Variants in PLXDC2 observed in about 807,000 individuals in gnomAD.
PLXDC2 encodes plexin domain containing 2.
A neutral mutation model predicts 68.9 loss-of-function variants in PLXDC2; 40 were observed. The observed-to-expected ratio is 0.58, with a 90% CI of 0.45 to 0.76. The LOEUF (loss-of-function observed/expected upper bound fraction) is 0.76. Among genes scored for constraint, PLXDC2 ranks in the 30% least tolerant of loss-of-function variants. The probability of loss-of-function intolerance (pLI) is 0.00; values close to 1 mark genes in which losing one functional copy is unlikely to be tolerated. For missense variants in PLXDC2, 644 were observed against 661.9 expected (o/e 0.97, Z 0.30); for synonymous variants, 243 against 234.2 (o/e 1.04, Z -0.34).
At chr10:19,928,799 G>A (rs1589541155) in intron 1 of PLXDC2, among the ~76,000 whole-genome samples, 1 of 143,442 alleles carries the variant, frequency 7.0e-6, no homozygotes, top group Non-Finnish European at 1.5e-5. Context: ...CTGTTGCTCA[G>A]GCTGGAGTAC....
chr10:20,044,420 C>T (rs746550622), intron 2 of PLXDC2, among the ~76,000 whole-genome samples: 7 of 151,612 alleles, frequency 4.6e-5, no homozygotes, highest in Non-Finnish European at 1.0e-4. Flanking sequence ...AAGCAGTTCT[C>T]CTGCCTCAGC....
chr10:20,278,205 A>G (rs2681946), intron 13 of PLXDC2, among the ~76,000 whole-genome samples: 135,779 of 152,178 alleles, frequency 0.89, 61,224 homozygotes, highest in African/African-American at 0.97. Context: ...GCTACCAACT[A>G]GCCTTGGAAA....
At chr10:20,193,200 T>C (rs1169563854) in intron 9 of PLXDC2, among the ~76,000 whole-genome samples, 1 of 152,074 alleles carries the variant, frequency 6.6e-6, no homozygotes, top group Non-Finnish European at 1.5e-5. Context: ...GGAATTCTTG[T>C]GACACAGACC....
At position 20,089,458 on chromosome 10, in the gene PLXDC2, A is replaced by G. The variant is rs554486283; in HGVS notation, c.541+21219A>G. ...TTGAGTAGTTCAGTGACTTGTCCCT[A>G]AGATTCATGGTGAGAGTTACTAAGA... On this transcript the variant is annotated intron_variant, in intron 4 of 13. Coordinates refer to ENST00000377252, the MANE Select transcript of PLXDC2 (RefSeq NM_032812.9). 1.1e-4 allele frequency among the ~76,000 whole-genome samples: 17 copies of G among 152,258 alleles called. No individual in the cohort carries two copies. The East Asian group carries it at 2.5e-3, about 23-fold the overall frequency.
At chr10:19,862,630 C>G (rs184134489) in intron 1 of PLXDC2, among the ~76,000 whole-genome samples, 72 of 152,244 alleles carry the variant, frequency 4.7e-4, no homozygotes, top group African/African-American at 1.6e-3. Flanking sequence ...TTATGTATAG[C>G]TAGTAAAGAC....
At chr10:20,213,407 G>A (rs749058699) in intron 10 of PLXDC2, among the ~76,000 whole-genome samples, 35 of 151,924 alleles carry the variant, frequency 2.3e-4, no homozygotes, top group Non-Finnish European at 4.4e-4. Context: ...TTAGATCAGT[G>A]TCCCACTGTA....
At chr10:20,231,254 T>A (rs998521908) in intron 12 of PLXDC2, among the ~76,000 whole-genome samples, 1 of 149,858 alleles carries the variant, frequency 6.7e-6, no homozygotes, top group South Asian at 2.1e-4. Context: ...TAAATATATA[T>A]GAATATTGAC....
At chr10:20,005,036 G>A (rs17687795) in intron 2 of PLXDC2, among the ~76,000 whole-genome samples, 24,154 of 152,076 alleles carry the variant, frequency 0.16, 2,347 homozygotes, top group Non-Finnish European at 0.22. Context: ...TTTTTTACAC[G>A]AGGGCAATTT....
chr10:20,277,857 C>T (rs1241671524), intron 13 of PLXDC2, among the ~76,000 whole-genome samples: 1 of 152,150 alleles, frequency 6.6e-6, no homozygotes, highest in Non-Finnish European at 1.5e-5. Flanking sequence ...CCCTTCCTAG[C>T]CTCTGGTAAC....
intron 1 of PLXDC2, among the ~76,000 whole-genome samples, chr10:19,976,832 T>C (rs564010514): frequency 6.6e-6 from 1 of 152,170 alleles, no homozygotes; most frequent in Non-Finnish European, 1.5e-5. Flanking sequence ...TTTATTTTTT[T>C]TTTCATTTTC....
chr10:20,239,780 A>G (rs1835490892), intron 12 of PLXDC2, among the ~76,000 whole-genome samples: 1 of 152,180 alleles, frequency 6.6e-6, no homozygotes, highest in Non-Finnish European at 1.5e-5. Context: ...CGAGCCACAT[A>G]TGGACATCTT....
intron 6 of PLXDC2, among the ~76,000 whole-genome samples, chr10:20,149,235 T>TA (rs1834120523): frequency 8.1e-6 from 1 of 123,506 alleles, no homozygotes; most frequent in Admixed American, 8.1e-5. Flanking sequence ...TTTTCTTTTT[T>TA]TTTTTTTTTT....
chr10:20,151,381 G>A (rs1487822308), intron 6 of PLXDC2, among the ~76,000 whole-genome samples: 1 of 152,140 alleles, frequency 6.6e-6, no homozygotes, highest in Non-Finnish European at 1.5e-5. Flanking sequence ...TACAATAGCG[G>A]TGGTACATAG....
chr10:20,190,348 A>G (rs1339542602), intron 9 of PLXDC2, among the ~76,000 whole-genome samples: 1 of 151,916 alleles, frequency 6.6e-6, no homozygotes, highest in Non-Finnish European at 1.5e-5. Context: ...ATTGTCCAAA[A>G]ATGAAGTTGG....
chr10:20,123,202 G>T (rs1286894954), intron 4 of PLXDC2, among the ~76,000 whole-genome samples: 5 of 152,106 alleles, frequency 3.3e-5, no homozygotes, highest in East Asian at 1.9e-4. Flanking sequence ...ACCTAGCTCG[G>T]CCTGGCGAGG....
intron 1 of PLXDC2, among the ~76,000 whole-genome samples, chr10:19,858,974 G>A (rs1328529090): frequency 2.0e-5 from 3 of 151,680 alleles, no homozygotes; most frequent in Non-Finnish European, 4.4e-5. Context: ...TTCCACTCAT[G>A]GTGGAAGGTG....
intron 1 of PLXDC2, among the ~76,000 whole-genome samples, chr10:19,937,561 T>TATATATATATAC (rs1833746141): frequency 8.6e-6 from 1 of 116,874 alleles, no homozygotes; most frequent in African/African-American, 2.9e-5. Context: ...TATATATATA[T>TATATATATATAC]ATATATATAT....
intron 2 of PLXDC2, among the ~76,000 whole-genome samples, chr10:20,045,414 G>T (rs1047227908): frequency 6.6e-6 from 1 of 152,032 alleles, no homozygotes; most frequent in Non-Finnish European, 1.5e-5. Context: ...CAGGTGATCC[G>T]CCCGCCTTGG....
chr10:20,041,580 A>G (rs1013319995), intron 2 of PLXDC2, among the ~76,000 whole-genome samples: 13 of 152,308 alleles, frequency 8.5e-5, no homozygotes, highest in Admixed American at 3.9e-4. Flanking sequence ...TTTCTAATAT[A>G]TCTTTAATTG....
Sources: gnomAD v4.1 joint callset for allele counts (sites outside exome capture counted in the v4.1 genomes callset) on GRCh38, gnomAD v4.1.1 for gene constraint, MANE v1.5 for transcripts, NCBI Gene and HGNC (gene_info 2026-07-23, HGNC 2026-07-21) for gene names.